The following ADARB2 variants were observed in gnomAD, a reference collection of about 807,000 sequenced individuals.
The protein encoded by ADARB2 is inactive double-stranded RNA-specific editase B2.
In ADARB2, 25 loss-of-function variants were observed where a neutral mutation model predicts 62.2. That is an observed-to-expected ratio of 0.40 (90% CI 0.29 to 0.56). The LOEUF (loss-of-function observed/expected upper bound fraction) is 0.56, where lower values mean the gene tolerates loss of function less well. Among genes scored for constraint, ADARB2 ranks in the 20% least tolerant of loss-of-function variants. The probability of loss-of-function intolerance (pLI) is 0.43; values close to 1 mark genes in which losing one functional copy is unlikely to be tolerated. For missense variants in ADARB2, 1,071 were observed against 1,077.4 expected, an observed-to-expected ratio of 0.99 and a Z score of 0.08; for synonymous variants, 572 against 500.8, an observed-to-expected ratio of 1.14 and a Z score of -1.90.
At chr10:1,365,921 T>A (rs572803268) in intron 2 of ADARB2, among the ~76,000 whole-genome samples, 1 of 152,334 alleles carries the variant, frequency 6.6e-6, no homozygotes, top group East Asian at 1.9e-4. Context: ...GAATACTATA[T>A]AGCAGTTGCA....
At chr10:1,585,020 G>A (rs71475806) in intron 1 of ADARB2, among the ~76,000 whole-genome samples, 29,316 of 151,994 alleles carry the variant, frequency 0.19, 3,227 homozygotes, top group East Asian at 0.39. Context: ...GCTGTATACT[G>A]TAATGGTGGA....
At chr10:1,537,297 A>G (rs1274366913) in intron 1 of ADARB2, among the ~76,000 whole-genome samples, 1 of 152,250 alleles carries the variant, frequency 6.6e-6, no homozygotes, top group Non-Finnish European at 1.5e-5. Flanking sequence ...GCAATGATTA[A>G]AAAGTCAAGA....
At chr10:1,650,802 A>G (rs1028064029) in intron 1 of ADARB2, among the ~76,000 whole-genome samples, 1 of 152,334 alleles carries the variant, frequency 6.6e-6, no homozygotes, top group South Asian at 2.1e-4. Flanking sequence ...GCTTCTCAGC[A>G]GTGGGACATT....
intron 1 of ADARB2, among the ~76,000 whole-genome samples, chr10:1,699,074 T>C (rs916279865): frequency 6.6e-5 from 10 of 152,282 alleles, no homozygotes; most frequent in African/African-American, 2.4e-4. Context: ...AATGACTTTT[T>C]TTAAACCTCA....
At chr10:1,310,512 GC>G (rs2131822494) in intron 3 of ADARB2, among the ~76,000 whole-genome samples, 1 of 152,332 alleles carries the variant, frequency 6.6e-6, no homozygotes, top group South Asian at 2.1e-4. Context: ...AGCCCTGGAG[GC>G]CCCAGAAGTG....
chr10:1,634,055 C>CTG (rs1833883641), intron 1 of ADARB2, among the ~76,000 whole-genome samples: 2 of 152,202 alleles, frequency 1.3e-5, no homozygotes, highest in Admixed American at 6.5e-5. Flanking sequence ...GCCGGCTGTG[C>CTG]TGTGGCTCCT....
chr10:1,632,749 T>G (rs1391029290), intron 1 of ADARB2, among the ~76,000 whole-genome samples: 6 of 152,200 alleles, frequency 3.9e-5, no homozygotes, highest in African/African-American at 1.4e-4. Flanking sequence ...AGCCCAGCAG[T>G]CACGAAGAAC....
At chr10:1,730,860 CAA>C in intron 1 of ADARB2, among the ~76,000 whole-genome samples, 1 of 152,002 alleles carries the variant, frequency 6.6e-6, no homozygotes, top group South Asian at 2.1e-4. Context: ...TTTTATAACC[CAA>C]AGAGGACTTA....
intron 1 of ADARB2, among the ~76,000 whole-genome samples, chr10:1,474,281 G>A (rs1045694679): frequency 3.9e-5 from 6 of 152,184 alleles, no homozygotes; most frequent in East Asian, 1.9e-4. Flanking sequence ...GGTAAAACTC[G>A]TTCCCGGCCC....
intron 2 of ADARB2, among the ~76,000 whole-genome samples, chr10:1,375,303 A>T (rs1278578971): frequency 1.3e-5 from 2 of 151,780 alleles, no homozygotes; most frequent in Non-Finnish European, 2.9e-5. Flanking sequence ...GGAAGAGAAA[A>T]CTCCTCAGAA....
intron 1 of ADARB2, among the ~76,000 whole-genome samples, chr10:1,603,471 A>C (rs1833456149): frequency 6.6e-6 from 1 of 152,246 alleles, no homozygotes; most frequent in Admixed American, 6.5e-5. Flanking sequence ...TGCTTGTGAA[A>C]AGGATGTCCC....
chr10:1,269,625 G>A (rs1269835935), intron 4 of ADARB2, among the ~76,000 whole-genome samples: 1 of 152,242 alleles, frequency 6.6e-6, no homozygotes, highest in Non-Finnish European at 1.5e-5. Context: ...AGAGCTCTGT[G>A]CAGGTGGGGC....
At chr10:1,518,411 G>C (rs1204324550) in intron 1 of ADARB2, among the ~76,000 whole-genome samples, 1 of 152,204 alleles carries the variant, frequency 6.6e-6, no homozygotes, top group Non-Finnish European at 1.5e-5. Flanking sequence ...TGCTTCATCT[G>C]TGGAAACGTA....
At chr10:1,406,812 C>T (rs983361773) in intron 1 of ADARB2, among the ~76,000 whole-genome samples, 2 of 152,212 alleles carry the variant, frequency 1.3e-5, no homozygotes, top group African/African-American at 2.4e-5. Context: ...GGCCCTGATT[C>T]CTGCACGTCC....
At chr10:1,392,577 A>G (rs140806307) in intron 1 of ADARB2, among the ~76,000 whole-genome samples, 35 of 152,294 alleles carry the variant, frequency 2.3e-4, no homozygotes, top group African/African-American at 8.2e-4. Context: ...ATTGCAGACG[A>G]AAGGCAAGGA....
chr10:1,283,604 C>T (rs201614966), intron 3 of ADARB2, among the ~76,000 whole-genome samples: 5 of 152,158 alleles, frequency 3.3e-5, no homozygotes, highest in Admixed American at 2.0e-4. Flanking sequence ...GGCCTGTGTC[C>T]TTCATGTGGC....
rs149506999 is a variant in ADARB2 at position 1,602,016 on chromosome 10, T to C, written c.100+135035A>G. 4.7e-3 allele frequency among the ~76,000 whole-genome samples: 715 copies of C among 152,214 alleles called. 2 individuals are homozygous for C. Among genetic ancestry groups the C allele is most frequent in the African/African-American group, 0.016 (657 of 41,548 alleles). On this transcript the variant is annotated intron_variant, in intron 1 of 9. Transcript: ENST00000381312. ...TCAGAGATGGACTCTTGGAAGCCAC[T>C]GGCAGGAGGGCTCATGGGAACCGGT...
At chr10:1,610,335 G>A (rs1833552276) in intron 1 of ADARB2, among the ~76,000 whole-genome samples, 1 of 152,142 alleles carries the variant, frequency 6.6e-6, no homozygotes, top group South Asian at 2.1e-4. Context: ...CTTTCTCCTA[G>A]CCCAGACCCC....
intron 6 of ADARB2, among the ~76,000 whole-genome samples, chr10:1,219,779 TATG>T (rs1006629501): frequency 4.6e-5 from 7 of 150,754 alleles, no homozygotes; most frequent in South Asian, 2.1e-4. Flanking sequence ...GAGACGGTGA[TATG>T]ATGGTGAAGA....
Sources: gnomAD v4.1 joint callset for allele counts (sites outside exome capture counted in the v4.1 genomes callset) on GRCh38, gnomAD v4.1.1 for gene constraint, MANE v1.5 for transcripts, NCBI Gene and HGNC (gene_info 2026-07-23, HGNC 2026-07-21) for gene names.